The following GRAMD1B variants were observed in gnomAD, a reference collection of about 807,000 sequenced individuals.
The protein encoded by GRAMD1B is protein Aster-B.
Under a neutral mutation model 99.7 loss-of-function variants are expected in GRAMD1B, and 37 were observed. The observed-to-expected ratio is 0.37, with a 90% CI of 0.29 to 0.49. GRAMD1B has a LOEUF of 0.49. GRAMD1B is among the 20% of genes least tolerant of loss of function. The pLI is 0.98. For synonymous variants in GRAMD1B, 427 were observed against 387.6 expected, an observed-to-expected ratio of 1.10 and a Z score of -1.19; for missense variants, 888 against 1,009.2, an observed-to-expected ratio of 0.88 and a Z score of 1.63.
At chr11:123,445,389 C>T (rs1357920687) in intron 1 of GRAMD1B, among the ~76,000 whole-genome samples, 2 of 152,070 alleles carry the variant, frequency 1.3e-5, no homozygotes, top group African/African-American at 4.8e-5. Context: ...GAATGGCAAC[C>T]GTAAAGGTCA....
intron 2 of GRAMD1B, among the ~76,000 whole-genome samples, chr11:123,497,562 T>C (rs1490459408): frequency 6.6e-6 from 1 of 152,092 alleles, no homozygotes; most frequent in Non-Finnish European, 1.5e-5. Context: ...GAGCCAGGGA[T>C]TGAAGTAAAA....
intron 2 of GRAMD1B, among the ~76,000 whole-genome samples, chr11:123,570,852 A>G (rs1362941733): frequency 6.6e-6 from 1 of 152,210 alleles, no homozygotes; most frequent in Non-Finnish European, 1.5e-5. Context: ...TGTATCTCTC[A>G]TTACCAGTGC....
chr11:123,472,878 G>A (rs1166638364), intron 1 of GRAMD1B, among the ~76,000 whole-genome samples: 1 of 152,178 alleles, frequency 6.6e-6, no homozygotes, highest in Non-Finnish European at 1.5e-5. Context: ...CTAGTCCCAG[G>A]TAGCCTTTTC....
intron 3 of GRAMD1B, among the ~76,000 whole-genome samples, chr11:123,580,437 T>C (rs766792036): frequency 1.7e-4 from 26 of 152,210 alleles, no homozygotes; most frequent in Non-Finnish European, 3.4e-4. Context: ...CCTCACTCCC[T>C]GTCTCCTGGC....
intron 1 of GRAMD1B, among the ~76,000 whole-genome samples, chr11:123,362,064 A>G (rs1299131479): frequency 6.6e-6 from 1 of 152,216 alleles, no homozygotes; most frequent in Non-Finnish European, 1.5e-5. Context: ...ACGTTGATGA[A>G]TTTGTGACAT....
At chr11:123,466,596 A>G (rs1032052041) in intron 1 of GRAMD1B, among the ~76,000 whole-genome samples, 1 of 152,206 alleles carries the variant, frequency 6.6e-6, no homozygotes, top group African/African-American at 2.4e-5. Context: ...TTCTTTCTCC[A>G]ACATGGATAC....
chr11:123,565,680 T>C (rs1354307825), intron 2 of GRAMD1B, among the ~76,000 whole-genome samples: 1 of 151,958 alleles, frequency 6.6e-6, no homozygotes, highest in Non-Finnish European at 1.5e-5. Flanking sequence ...AGAGGCCTGA[T>C]GGCTGTTGTC....
chr11:123,417,192 G>T (rs1359717164), intron 1 of GRAMD1B, among the ~76,000 whole-genome samples: 1 of 152,130 alleles, frequency 6.6e-6, no homozygotes, highest in Non-Finnish European at 1.5e-5. Flanking sequence ...GGCCAACATG[G>T]TGAAACCCCG....
intron 2 of GRAMD1B, among the ~76,000 whole-genome samples, chr11:123,511,399 T>G (rs1043580851): frequency 6.6e-6 from 1 of 152,186 alleles, no homozygotes; most frequent in Admixed American, 6.5e-5. Flanking sequence ...GGTGCTGCGC[T>G]GCTCAAACTC....
intron 18 of GRAMD1B, 146 bp downstream of exon 18, chr11:123,618,946 G>C (rs2137119259): frequency 1.4e-6 from 1 of 704,262 alleles, no homozygotes; most frequent in Non-Finnish European, 2.5e-6. Context: ...TCTCCCTATA[G>C]TTTCAGCCCA....
chr11:123,413,713 G>A (rs1024081957), intron 1 of GRAMD1B, among the ~76,000 whole-genome samples: 12 of 152,134 alleles, frequency 7.9e-5, no homozygotes, highest in African/African-American at 2.7e-4. Flanking sequence ...ATCCAGGACC[G>A]CAGTCCCACC....
chr11:123,433,361 A>G (rs1472531658), intron 1 of GRAMD1B, among the ~76,000 whole-genome samples: 2 of 152,178 alleles, frequency 1.3e-5, no homozygotes, highest in Non-Finnish European at 2.9e-5. Flanking sequence ...CTGGGCAACA[A>G]GAGCGAAACT....
intron 1 of GRAMD1B, among the ~76,000 whole-genome samples, chr11:123,404,699 A>G (rs773642517): frequency 2.6e-5 from 4 of 152,228 alleles, no homozygotes; most frequent in Non-Finnish European, 5.9e-5. Flanking sequence ...CATTCATGAG[A>G]AAATCTGAAA....
At position 123,430,933 on chromosome 11, in the gene GRAMD1B, C is replaced by G. The variant is rs1948851171; in HGVS notation, c.141C>G (p.Arg47=). Residue 47 remains arginine, a synonymous_variant, in exon 1 of 20, where the codon CGC becomes CGG. Transcript: ENST00000635736. ...GCCGCCGGCGCTTCAAGATGCGCCG[C>G]ATGAAGAACGTACAGGAGCAGAGCC... ...TLRRRRFKMR[R]MKNVQEQSLE... 1.4e-6 allele frequency: 1 copy of G among 702,662 alleles called. No individual in the cohort carries two copies. The highest frequency in any genetic ancestry group is 1.7e-5 in the African/African-American group (1 of 57,262). 43.5% of individuals were successfully genotyped at this position (702,662 alleles called of 1,614,324 possible).
intron 2 of GRAMD1B, among the ~76,000 whole-genome samples, chr11:123,550,256 CA>C (rs1449052960): frequency 2.6e-5 from 4 of 152,160 alleles, no homozygotes; most frequent in African/African-American, 9.7e-5. Context: ...TCCCATTGAT[CA>C]ACCTCTCGAG....
At chr11:123,501,333 G>T (rs1939833482) in intron 2 of GRAMD1B, among the ~76,000 whole-genome samples, 2 of 151,954 alleles carry the variant, frequency 1.3e-5, no homozygotes, top group Admixed American at 1.3e-4. Flanking sequence ...ACCATGCCAC[G>T]CTAATTTTTT....
Position 123,622,853 on chromosome 11 carries a change from C to T in GRAMD1B, c.*258C>T, listed in dbSNP as rs76088358. On this transcript the variant is annotated 3_prime_UTR_variant, in exon 20 of 20. Transcript: ENST00000635736. ...CCTCTCAGCACCGACCTCCCCTGAT[C>T]TCCCTCCTCCCACCCTCTGTTCCCC... 3,373 of 158,620 alleles carry T rather than the reference C, an allele frequency of 0.021. 130 individuals are homozygous for T. The highest frequency in any genetic ancestry group is 0.076 in the African/African-American group (3,156 of 41,536). 9.8% of individuals were successfully genotyped at this position (158,620 alleles called of 1,614,324 possible). A position where few individuals can be genotyped will look rare whatever the true frequency, so the allele number is the denominator to read the frequency against.
chr11:123,528,629 C>T (rs1445756348), intron 2 of GRAMD1B, among the ~76,000 whole-genome samples: 2 of 152,134 alleles, frequency 1.3e-5, no homozygotes, highest in East Asian at 3.9e-4. Flanking sequence ...TTCACCTGTC[C>T]CTGGTTACTC....
At chr11:123,486,136 C>G (rs1018006224) in intron 2 of GRAMD1B, among the ~76,000 whole-genome samples, 1 of 152,196 alleles carries the variant, frequency 6.6e-6, no homozygotes, top group Non-Finnish European at 1.5e-5. Context: ...AGAAAACATT[C>G]GTAAAGAGCC....
Sources: gnomAD v4.1 joint callset for allele counts (sites outside exome capture counted in the v4.1 genomes callset) on GRCh38, gnomAD v4.1.1 for gene constraint, MANE v1.5 for transcripts, NCBI Gene and HGNC (gene_info 2026-07-23, HGNC 2026-07-21) for gene names.